THSD7A: variants seen among roughly 807,000 people sequenced by gnomAD.
THSD7A encodes the protein thrombospondin type 1 domain containing 7A.
Under a neutral mutation model 231.3 loss-of-function variants are expected in THSD7A, and 96 were observed. The observed-to-expected ratio is 0.41, with a 90% CI of 0.35 to 0.49. The LOEUF (loss-of-function observed/expected upper bound fraction) is 0.49. THSD7A is among the 20% of genes least tolerant of loss of function. The probability of loss-of-function intolerance (pLI) is 0.05; values close to 1 mark genes in which losing one functional copy is unlikely to be tolerated. For synonymous variants in THSD7A, 940 were observed against 743.3 expected (o/e 1.26, Z -4.30); for missense variants, 2,290 against 2,070.2 (o/e 1.11, Z -2.06).
rs181538517 is a variant in THSD7A at position 11,597,511 on chromosome 7, G to C, written c.1023-4009C>G. On this transcript the variant is annotated intron_variant, in intron 2 of 27. Transcript: ENST00000423059. ...ATATCCAATGGTGATTGAGGTGTCAGTGGCAGATAGGCATGCTGTTTGGAG... is the reference window on the plus strand; with the variant it reads ...ATATCCAATGGTGATTGAGGTGTCACTGGCAGATAGGCATGCTGTTTGGAG... Among the ~76,000 whole-genome samples, 27 of 152,318 alleles carry C rather than the reference G, an allele frequency of 1.8e-4. No individual in the cohort carries two copies. In the South Asian group the frequency reaches 3.7e-3, roughly 21 times the overall value.
At chr7:11,810,650 A>C (rs1784506232) in intron 1 of THSD7A, among the ~76,000 whole-genome samples, 1 of 152,204 alleles carries the variant, frequency 6.6e-6, no homozygotes, top group Non-Finnish European at 1.5e-5. Flanking sequence ...CTTTGTCTTC[A>C]CCTCAGATTT....
intron 1 of THSD7A, among the ~76,000 whole-genome samples, chr7:11,730,731 C>T (rs1781699765): frequency 6.6e-6 from 1 of 151,614 alleles, no homozygotes; most frequent in Admixed American, 6.6e-5. Context: ...CACCGGCAGC[C>T]TTCTAGGAGT....
chr7:11,442,741 T>A (rs893991262), intron 13 of THSD7A, among the ~76,000 whole-genome samples: 5 of 152,084 alleles, frequency 3.3e-5, no homozygotes, highest in Non-Finnish European at 5.9e-5. Flanking sequence ...AGTAATTATG[T>A]TAGTAAACAC....
chr7:11,681,607 A>C (rs1584203022), intron 1 of THSD7A, among the ~76,000 whole-genome samples: 1 of 152,048 alleles, frequency 6.6e-6, no homozygotes, highest in South Asian at 2.1e-4. Flanking sequence ...GAACTATGGG[A>C]TGATGCAAAG....
intron 6 of THSD7A, among the ~76,000 whole-genome samples, chr7:11,493,126 C>T (rs764087918): frequency 1.8e-4 from 28 of 152,154 alleles, no homozygotes; most frequent in African/African-American, 6.0e-4. Flanking sequence ...TGTAATAAAA[C>T]GTATATAGCT....
intron 4 of THSD7A, among the ~76,000 whole-genome samples, chr7:11,583,466 C>T (rs150463221): frequency 6.6e-6 from 1 of 151,946 alleles, no homozygotes; most frequent in African/African-American, 2.4e-5. Context: ...TTGGTAGAGA[C>T]AGTTTCACCA....
chr7:11,722,176 G>C (rs963573492), intron 1 of THSD7A, among the ~76,000 whole-genome samples: 2 of 151,804 alleles, frequency 1.3e-5, no homozygotes, highest in African/African-American at 2.4e-5. Context: ...TTAGTTTATA[G>C]GTTAACTTTA....
intron 1 of THSD7A, among the ~76,000 whole-genome samples, chr7:11,663,284 A>G (rs1019771515): frequency 2.0e-5 from 3 of 151,452 alleles, no homozygotes; most frequent in African/African-American, 7.2e-5. Context: ...ATAAATTCCT[A>G]GACAAATATG....
At chr7:11,714,430 C>A (rs7800743) in intron 1 of THSD7A, among the ~76,000 whole-genome samples, 4 of 151,110 alleles carry the variant, frequency 2.6e-5, no homozygotes, top group African/African-American at 9.7e-5. Context: ...CTATGACACA[C>A]GTATTTTTAC....
intron 11 of THSD7A, among the ~76,000 whole-genome samples, chr7:11,448,121 T>C (rs1012500397): frequency 6.6e-6 from 1 of 152,294 alleles, no homozygotes. Flanking sequence ...AAATTTTCAA[T>C]AATCTTCATT....
intron 1 of THSD7A, among the ~76,000 whole-genome samples, chr7:11,790,754 A>T (rs1783928652): frequency 6.6e-6 from 1 of 152,018 alleles, no homozygotes; most frequent in Admixed American, 6.6e-5. Flanking sequence ...CCACACATAA[A>T]TATAATTACA....
At chr7:11,537,808 G>C (rs1397864949) in intron 6 of THSD7A, among the ~76,000 whole-genome samples, 2 of 152,148 alleles carry the variant, frequency 1.3e-5, no homozygotes, top group African/African-American at 4.8e-5. Context: ...ATGATATGTA[G>C]AAATGTTCCC....
At chr7:11,402,384 T>C (rs181035166) in intron 22 of THSD7A, among the ~76,000 whole-genome samples, 6 of 152,336 alleles carry the variant, frequency 3.9e-5, no homozygotes, top group East Asian at 1.9e-4. Flanking sequence ...GTATTCACAA[T>C]TTTGAAAAGT....
At chr7:11,431,333 C>G (rs1051731425) in intron 13 of THSD7A, among the ~76,000 whole-genome samples, 1 of 152,014 alleles carries the variant, frequency 6.6e-6, no homozygotes, top group Non-Finnish European at 1.5e-5. Context: ...AGTTTTAGCT[C>G]TTATATTTAG....
intron 1 of THSD7A, chr7:11,820,866 G>T: frequency 1.1e-6 from 1 of 922,800 alleles, no homozygotes; most frequent in Non-Finnish European, 1.8e-6. Flanking sequence ...TTTCTCAGCT[G>T]ACCTTTCCCT....
At chr7:11,557,489 T>C (rs1171496396) in intron 4 of THSD7A, among the ~76,000 whole-genome samples, 1 of 152,098 alleles carries the variant, frequency 6.6e-6, no homozygotes, top group Non-Finnish European at 1.5e-5. Context: ...TTGAATCTGG[T>C]AACTCCCTGG....
chr7:11,378,129 A>G (rs1371707314), intron 26 of THSD7A: 1 of 152,190 alleles, frequency 6.6e-6, no homozygotes, highest in Non-Finnish European at 1.5e-5. Flanking sequence ...CCAATAAGGG[A>G]AAGTATTCAG....
Position 11,590,608 on chromosome 7 carries a change from G to A in THSD7A, c.1305C>T (p.Cys435=), listed in dbSNP as rs774328183. 86 of 1,612,518 alleles carry A rather than the reference G, an allele frequency of 5.3e-5. No individual in the cohort carries two copies. Among genetic ancestry groups the A allele is most frequent in the Non-Finnish European group, 6.9e-5 (81 of 1,179,288 alleles). The change falls in exon 4 of 28, where the codon TGC becomes TGT. Residue 435 remains cysteine, a synonymous_variant. Transcript: ENST00000423059. The surrounding 1 kb of genome is among the most constrained non-coding windows in gnomAD (Gnocchi z 4.4). ...GCTGACTGAGCAAAGGGTCCACACG[G>A]CACTCAGTCCACTCTGTAGTTCTCC... ...YGWRTTEWTE[C]RVDPLLSQQD...
chr7:11,572,251 G>T (rs532119154), intron 4 of THSD7A, among the ~76,000 whole-genome samples: 1 of 152,074 alleles, frequency 6.6e-6, no homozygotes, highest in South Asian at 2.1e-4. Flanking sequence ...TCTCTCTTTA[G>T]ATCTATTTCT....
Sources: allele counts gnomAD v4.1 joint callset (sites outside exome capture counted in the v4.1 genomes callset), GRCh38; gene constraint gnomAD v4.1.1; non-coding constraint Gnocchi (gnomAD v3.1); transcripts MANE v1.5; gene names NCBI Gene and HGNC (gene_info 2026-07-23, HGNC 2026-07-21).